Variants in OIT3 observed in about 807,000 individuals in gnomAD.
OIT3 encodes oncoprotein-induced transcript 3 protein.
In OIT3, 41 loss-of-function variants were observed where a neutral mutation model predicts 52.2. The ratio of observed to expected loss-of-function variants is 0.79; its 90% CI spans 0.61 to 1.02. OIT3 has a LOEUF of 1.02. Among genes scored for constraint, OIT3 ranks in the 50% least tolerant of loss-of-function variants. OIT3 has a pLI of 0.00. For missense variants in OIT3, 634 were observed against 715.5 expected (o/e 0.89, Z 1.30); for synonymous variants, 244 against 276.9 (o/e 0.88, Z 1.18).
rs1482980600 is a variant in OIT3, at chr10:72,930,388, A to ATT, written c.1368-148_1368-147dup. 4 of 675,990 alleles carry ATT rather than the reference A, an allele frequency of 5.9e-6. No homozygotes were observed. The African/African-American group carries it at 7.4e-5, about 12-fold the overall frequency. 41.9% of individuals were successfully genotyped at this position (675,990 alleles called of 1,614,324 possible). ...TCTGAAGAGGCCTTCACAGGGAAAA[A>ATT]TTTAATTTTTCTTTCATTCCCAAAA... is the stretch of plus-strand genomic sequence containing the variant. On this transcript the variant is annotated intron_variant, in intron 7 of 8. Coordinates refer to ENST00000334011, the MANE Select transcript of OIT3 (RefSeq NM_152635.3).
At chr10:72,915,765 A>T (rs1473061176) in intron 6 of OIT3, among the ~76,000 whole-genome samples, 2 of 152,186 alleles carry the variant, frequency 1.3e-5, no homozygotes, top group African/African-American at 4.8e-5. Flanking sequence ...TCTGTAGATC[A>T]CAAAAAGGAT....
At position 72,895,457 on chromosome 10, in the gene OIT3, G is replaced by C. The variant is rs560876752; in HGVS notation, c.61+1598G>C. Among the ~76,000 whole-genome samples the C allele has an allele frequency of 4.3e-4, 66 of 152,288 alleles. No homozygotes were observed. The South Asian group carries it at 0.013, about 31-fold the overall frequency. ...AGAAGCATGATAAAGGGGGAACTTT[G>C]GGAACTAGAGCTGGTGTTTGCCCTG... On this transcript the variant is annotated intron_variant, in intron 1 of 8. Coordinates refer to ENST00000334011, the MANE Select transcript of OIT3 (RefSeq NM_152635.3).
At chr10:72,918,510 T>C (rs748662848) in intron 6 of OIT3, 9 of 1,408,216 alleles carry the variant, frequency 6.4e-6, no homozygotes, top group African/African-American at 1.4e-5. Flanking sequence ...AGGAGGCTCA[T>C]GTCCATGTCC....
chr10:72,932,473 A>G lies in OIT3; in HGVS notation c.1587A>G (p.Leu529=), dbSNP rs1435007856. The G allele has an allele frequency of 1.2e-6, 2 of 1,613,858 alleles. No homozygotes were observed. The highest frequency in any genetic ancestry group is 2.2e-5 in the South Asian group (2 of 91,034). Residue 529 remains leucine, a synonymous_variant, in exon 9 of 9, where the codon CTA becomes CTG. Coordinates refer to ENST00000334011, the MANE Select transcript of OIT3 (RefSeq NM_152635.3). ...RGAGGEDSAG[L]QGQTLTGGPI... ...CAGGAGGAGAGGACTCAGCCGGTCT[A>G]CAGGGCCAGACGCTAACAGGCGGCC...
At chr10:72,904,014 A>G (rs1290640153) in intron 3 of OIT3, among the ~76,000 whole-genome samples, 3 of 152,200 alleles carry the variant, frequency 2.0e-5, no homozygotes, top group Admixed American at 6.5e-5. Flanking sequence ...GCCCGGCGCC[A>G]CACCCTGGGC....
rs763730336 is a variant in OIT3 at position 72,930,610 on chromosome 10, C to A, written c.1440C>A (p.Val480=). The A allele has an allele frequency of 8.7e-6, 14 of 1,611,830 alleles. No individual in the cohort carries two copies. Among genetic ancestry groups the A allele is most frequent in the Admixed American group, 5.0e-5 (3 of 59,884 alleles). Residue 480 remains valine, a synonymous_variant, in exon 8 of 9, where the codon GTC becomes GTA. Coordinates refer to ENST00000334011, the MANE Select transcript of OIT3 (RefSeq NM_152635.3). The part of the protein sequence containing the change: ...DHLAKHFQVP[V]FKFVGKDHKE... ...TAGCAAAGCACTTCCAGGTCCCTGT[C>A]TTCAAGTTTGTGGGCAAAGACCACA... is the stretch of plus-strand genomic sequence containing the variant.
chr10:72,899,922 T>C (rs1241908960), intron 2 of OIT3, among the ~76,000 whole-genome samples: 2 of 152,210 alleles, frequency 1.3e-5, no homozygotes, highest in Admixed American at 1.3e-4. Context: ...AATAGAACAC[T>C]AGAAGAGTAG....
intron 3 of OIT3, among the ~76,000 whole-genome samples, chr10:72,902,890 A>G (rs2132928128): frequency 6.6e-6 from 1 of 152,350 alleles, no homozygotes; most frequent in African/African-American, 2.4e-5. Context: ...GCCAAATCAT[A>G]TCAATATGTT....
chr10:72,895,255 G>C (rs989442918), intron 1 of OIT3, among the ~76,000 whole-genome samples: 1 of 151,892 alleles, frequency 6.6e-6, no homozygotes, highest in Admixed American at 6.6e-5. Context: ...CTAACCCAAG[G>C]GTCGCTCAGA....
chr10:72,932,507 A>G lies in OIT3; in HGVS notation c.1621A>G (p.Ile541Val). The change falls in exon 9 of 9, where the codon ATC becomes GTC. Residue 541 changes from isoleucine to valine, a missense_variant. Coordinates refer to ENST00000334011, the MANE Select transcript of OIT3 (RefSeq NM_152635.3). ...GQTLTGGPIRIDWED is the reference protein window; with the variant it reads ...GQTLTGGPIRVDWED The stretch of plus-strand genomic sequence containing the variant: ...GACGCTAACAGGCGGCCCGATCCGC[A>G]TCGACTGGGAGGACTAGTTCGTAGC... The G allele has an allele frequency of 6.2e-7, 1 of 1,607,852 alleles. No individual in the cohort carries two copies.
At chr10:72,894,419 T>C (rs1156993048) in intron 1 of OIT3, among the ~76,000 whole-genome samples, 1 of 152,176 alleles carries the variant, frequency 6.6e-6, no homozygotes. Flanking sequence ...CTAACAGATT[T>C]CTCTCTTGCA....
At chr10:72,919,578 A>G (rs1245454499) in intron 6 of OIT3, among the ~76,000 whole-genome samples, 1 of 152,042 alleles carries the variant, frequency 6.6e-6, no homozygotes, top group Non-Finnish European at 1.5e-5. Flanking sequence ...GATGTTGGCT[A>G]TGGGTTTGTC....
chr10:72,922,054 T>C (rs1161073733), intron 6 of OIT3, among the ~76,000 whole-genome samples: 1 of 152,206 alleles, frequency 6.6e-6, no homozygotes, highest in East Asian at 1.9e-4. Flanking sequence ...AAGGGTCCAC[T>C]GTTAGTCTGA....
intron 6 of OIT3, among the ~76,000 whole-genome samples, chr10:72,919,970 TTAAG>T (rs769516927): frequency 6.6e-6 from 1 of 152,232 alleles, no homozygotes; most frequent in Non-Finnish European, 1.5e-5. Context: ...ATAGAATGAC[TTAAG>T]TAAGAGTCCC....
At chr10:72,932,309 G>C in intron 8 of OIT3, 45 bp from the exon 9 acceptor site, 1 of 1,568,990 alleles carries the variant, frequency 6.4e-7, no homozygotes, top group Non-Finnish European at 8.8e-7. Flanking sequence ...CCCCACAAGT[G>C]GCAGCAGTTA....
chr10:72,928,183 G>GT (rs1250215483), intron 7 of OIT3, among the ~76,000 whole-genome samples: 1 of 152,052 alleles, frequency 6.6e-6, no homozygotes, highest in Non-Finnish European at 1.5e-5. Flanking sequence ...TTTGGTTGGC[G>GT]TATGCTCTGA....
intron 6 of OIT3, chr10:72,918,349 C>G: frequency 1.3e-6 from 1 of 768,998 alleles, no homozygotes; most frequent in Non-Finnish European, 2.4e-6. Flanking sequence ...TTCATTGCCT[C>G]TGCTTCAACA....
At chr10:72,911,302 C>T (rs1846026273) in intron 4 of OIT3, among the ~76,000 whole-genome samples, 1 of 152,184 alleles carries the variant, frequency 6.6e-6, no homozygotes, top group Non-Finnish European at 1.5e-5. Flanking sequence ...TCCATCCAGC[C>T]AGTTCAGGTG....
chr10:72,928,258 GA>G (rs1846185967), intron 7 of OIT3, among the ~76,000 whole-genome samples: 1 of 152,146 alleles, frequency 6.6e-6, no homozygotes, highest in Admixed American at 6.5e-5. Flanking sequence ...ACTGGAAAAA[GA>G]AACATACTAA....
Sources: gnomAD v4.1 joint callset for allele counts (sites outside exome capture counted in the v4.1 genomes callset) on GRCh38, gnomAD v4.1.1 for gene constraint, MANE v1.5 for transcripts, NCBI Gene and HGNC (gene_info 2026-07-23, HGNC 2026-07-21) for gene names.